SGCZ: variants seen among roughly 807,000 people sequenced by gnomAD.
SGCZ encodes sarcoglycan zeta, also known as zeta-sarcoglycan.
A neutral mutation model predicts 41.3 loss-of-function variants in SGCZ; 40 were observed. The observed-to-expected ratio is 0.97, with a 90% CI of 0.75 to 1.26. The LOEUF is 1.26. SGCZ is among the 50% of genes most tolerant of loss of function. SGCZ has a pLI of 0.00. For missense variants in SGCZ, 552 were observed against 369.8 expected, an observed-to-expected ratio of 1.49 and a Z score of -4.04; for synonymous variants, 206 against 137.5, an observed-to-expected ratio of 1.50 and a Z score of -3.49.
At chr8:14,955,292 T>A (rs1800757230) in intron 1 of SGCZ, among the ~76,000 whole-genome samples, 1 of 152,234 alleles carries the variant, frequency 6.6e-6, no homozygotes, top group Non-Finnish European at 1.5e-5. Flanking sequence ...ATACTGTTTT[T>A]CTTTTGTGTT....
chr8:15,161,498 C>T (rs1049178017), intron 1 of SGCZ, among the ~76,000 whole-genome samples: 4 of 152,096 alleles, frequency 2.6e-5, no homozygotes, highest in Admixed American at 2.6e-4. Flanking sequence ...ATGTGTTTTG[C>T]CTACTTCTGT....
At chr8:14,508,023 G>A (rs1270811157) in intron 2 of SGCZ, among the ~76,000 whole-genome samples, 4 of 151,944 alleles carry the variant, frequency 2.6e-5, no homozygotes, top group African/African-American at 9.7e-5. Context: ...TGGCCGCCTC[G>A]GCCTCCCAAA....
intron 2 of SGCZ, among the ~76,000 whole-genome samples, chr8:14,534,040 G>A (rs984338775): frequency 6.6e-6 from 1 of 152,016 alleles, no homozygotes; most frequent in African/African-American, 2.4e-5. Flanking sequence ...CTCTACAGGA[G>A]CTGCAGCAAT....
At chr8:15,149,573 C>T (rs1799122311) in intron 1 of SGCZ, among the ~76,000 whole-genome samples, 1 of 152,076 alleles carries the variant, frequency 6.6e-6, no homozygotes, top group Non-Finnish European at 1.5e-5. Context: ...ATGGAATTTT[C>T]AATGCAAGTT....
Position 14,554,897 on chromosome 8 carries a change from G to C in SGCZ, c.69C>G (p.Thr23=). Residue 23 remains threonine, a synonymous_variant, in exon 2 of 8, where the codon ACC becomes ACG. Coordinates refer to ENST00000382080, the MANE Select transcript of SGCZ (RefSeq NM_139167.4). ...CAGTCCTTGGCAGGTTATTCTGTTGGGTTGCTAGTATGTATTGTTCTCGTG... is the reference window on the plus strand; with the variant it reads ...CAGTCCTTGGCAGGTTATTCTGTTGCGTTGCTAGTATGTATTGTTCTCGTG... ...KMTREQYILA[T]QQNNLPRTEN... The C allele has an allele frequency of 1.9e-6, 3 of 1,612,090 alleles. No homozygotes were observed. Among genetic ancestry groups the C allele is most frequent in the Non-Finnish European group, 2.5e-6 (3 of 1,179,092 alleles).
intron 2 of SGCZ, among the ~76,000 whole-genome samples, chr8:14,366,413 A>G (rs559792527): frequency 6.6e-6 from 1 of 152,266 alleles, no homozygotes; most frequent in African/African-American, 2.4e-5. Context: ...TGAGAACAGC[A>G]TGGGGGAAAC....
At chr8:14,314,990 G>C (rs187655701) in intron 3 of SGCZ, among the ~76,000 whole-genome samples, 1 of 152,124 alleles carries the variant, frequency 6.6e-6, no homozygotes, top group African/African-American at 2.4e-5. Flanking sequence ...GTCCCATTAT[G>C]TCTAATGCTG....
intron 1 of SGCZ, among the ~76,000 whole-genome samples, chr8:14,949,344 G>A (rs934277991): frequency 6.6e-6 from 1 of 152,080 alleles, no homozygotes; most frequent in South Asian, 2.1e-4. Context: ...CTTAAAGTAT[G>A]CAAATTGAAT....
chr8:14,298,423 T>C (rs1027107890), intron 3 of SGCZ, among the ~76,000 whole-genome samples: 1 of 152,006 alleles, frequency 6.6e-6, no homozygotes, highest in African/African-American at 2.4e-5. Context: ...GTAGACAAGA[T>C]AATTTACAGA....
At chr8:14,319,651 C>T (rs1188652483) in intron 3 of SGCZ, 2 of 152,002 alleles carry the variant, frequency 1.3e-5, no homozygotes, top group African/African-American at 4.8e-5. Flanking sequence ...CGATGAGTAA[C>T]TGTAGCCATT....
intron 2 of SGCZ, among the ~76,000 whole-genome samples, chr8:14,537,723 T>A (rs190035013): frequency 7.2e-5 from 11 of 151,926 alleles, no homozygotes; most frequent in African/African-American, 2.7e-4. Flanking sequence ...AACTGTGTCA[T>A]TGAATGTTCC....
rs549652813 is a variant in SGCZ at position 14,475,748 on chromosome 8, T to C, written c.234+78984A>G. ...TTAAGGAATTATATGACAAGTTCCA[T>C]ATCAATGATATATATATACACACAC... On this transcript the variant is annotated intron_variant, in intron 2 of 7. Transcript: ENST00000382080. Among the ~76,000 whole-genome samples, 30 of 152,310 alleles carry C rather than the reference T, an allele frequency of 2.0e-4. No individual in the cohort carries two copies. The South Asian group carries it at 5.6e-3, about 28-fold the overall frequency.
chr8:14,587,258 T>G (rs1230831389), intron 1 of SGCZ, among the ~76,000 whole-genome samples: 1 of 151,602 alleles, frequency 6.6e-6, no homozygotes, highest in African/African-American at 2.4e-5. Context: ...GTAGAAGATA[T>G]AGCCAGATTT....
At chr8:14,562,212 T>G (rs1804226709) in intron 1 of SGCZ, among the ~76,000 whole-genome samples, 1 of 152,144 alleles carries the variant, frequency 6.6e-6, no homozygotes, top group African/African-American at 2.4e-5. Context: ...CTAGCTGGAA[T>G]CATTACTTCA....
intron 2 of SGCZ, 86 bp downstream of exon 2, chr8:14,554,646 T>G: frequency 9.2e-7 from 1 of 1,090,556 alleles, no homozygotes; most frequent in Non-Finnish European, 1.3e-6. Flanking sequence ...TTGATATGAA[T>G]AACTTTTGAT....
chr8:14,732,054 T>G (rs776696961), intron 1 of SGCZ, among the ~76,000 whole-genome samples: 1 of 152,216 alleles, frequency 6.6e-6, no homozygotes, highest in Non-Finnish European at 1.5e-5. Flanking sequence ...CTTGTTGAGC[T>G]TTCTCTTTAG....
chr8:15,061,084 C>CA, intron 1 of SGCZ, among the ~76,000 whole-genome samples: 1 of 149,940 alleles, frequency 6.7e-6, no homozygotes, highest in Non-Finnish European at 1.5e-5. Flanking sequence ...TTCAAGCCAC[C>CA]AAAAATGAGA....
chr8:14,572,029 A>G (rs1450902097), intron 1 of SGCZ, among the ~76,000 whole-genome samples: 2 of 152,216 alleles, frequency 1.3e-5, no homozygotes, highest in South Asian at 4.1e-4. Flanking sequence ...GTGAAAATCC[A>G]CATATTAAAA....
intron 1 of SGCZ, among the ~76,000 whole-genome samples, chr8:14,720,598 G>T (rs564213912): frequency 2.4e-4 from 36 of 152,110 alleles, no homozygotes; most frequent in African/African-American, 8.2e-4. Flanking sequence ...GCAAACTCTG[G>T]CTCACAAGTA....
Sources: allele counts gnomAD v4.1 joint callset (sites outside exome capture counted in the v4.1 genomes callset), GRCh38; gene constraint gnomAD v4.1.1; transcripts MANE v1.5; gene names NCBI Gene and HGNC (gene_info 2026-07-23, HGNC 2026-07-21).